TTC4: variants seen among roughly 807,000 people sequenced by gnomAD.
TTC4 encodes the protein tetratricopeptide repeat domain 4.
TTC4 carries 36 observed loss-of-function variants against 51.9 expected under a neutral mutation model. The ratio of observed to expected loss-of-function variants is 0.69; its 90% CI spans 0.53 to 0.92. TTC4 has a LOEUF of 0.92. TTC4 is among the 40% of genes least tolerant of loss of function. The pLI, the probability that TTC4 is intolerant of heterozygous loss-of-function variation, is 0.00. For missense variants in TTC4, 399 were observed against 454.6 expected (o/e 0.88, Z 1.11); for synonymous variants, 144 against 164.2 (o/e 0.88, Z 0.94).
At chr1:54,725,064 G>A (rs994718806) in intron 5 of TTC4, among the ~76,000 whole-genome samples, 10 of 152,278 alleles carry the variant, frequency 6.6e-5, no homozygotes, top group Non-Finnish European at 1.2e-4. Flanking sequence ...TGAGCAGCCT[G>A]CAGCCACCAG....
chr1:54,724,930 A>C (rs896473585), intron 5 of TTC4, among the ~76,000 whole-genome samples: 1 of 152,210 alleles, frequency 6.6e-6, no homozygotes, highest in African/African-American at 2.4e-5. Flanking sequence ...TTATTCAAGA[A>C]AAATGTTGGA....
intron 2 of TTC4, among the ~76,000 whole-genome samples, chr1:54,716,971 C>T (rs1363471125): frequency 6.6e-6 from 1 of 152,176 alleles, no homozygotes; most frequent in African/African-American, 2.4e-5. Context: ...CAAACTTATG[C>T]TATAAGTGTC....
At chr1:54,721,070 G>A (rs1570035806) in intron 3 of TTC4, 93 bp from the exon 4 acceptor site, 3 of 1,189,596 alleles carry the variant, frequency 2.5e-6, no homozygotes, top group East Asian at 5.0e-5. Flanking sequence ...ATTTCCCCAG[G>A]ATTGTACAAG....
At chr1:54,740,529 C>A (rs970646728) in intron 9 of TTC4, among the ~76,000 whole-genome samples, 1 of 152,146 alleles carries the variant, frequency 6.6e-6, no homozygotes, top group East Asian at 1.9e-4. Flanking sequence ...GAGGAGAAAT[C>A]TAAATAGAAA....
intron 6 of TTC4, 33 bp from the exon 7 acceptor site, chr1:54,731,453 C>T (rs959352125): frequency 6.2e-7 from 1 of 1,600,468 alleles, no homozygotes; most frequent in Non-Finnish European, 8.6e-7. Context: ...ATAAGATGTG[C>T]ATTATGTGTG....
chr1:54,737,846 G>A (rs1444750643), intron 9 of TTC4, among the ~76,000 whole-genome samples, 182 bp downstream of exon 9: 1 of 152,228 alleles, frequency 6.6e-6, no homozygotes, highest in Non-Finnish European at 1.5e-5. Flanking sequence ...GCAAGGAGGA[G>A]CAAGTCACCT....
Position 54,741,668 on chromosome 1 carries a change from C to T in TTC4, c.*155C>T. 1.6e-6 allele frequency: 1 copy of T among 641,748 alleles called. No homozygotes were observed. Among genetic ancestry groups the T allele is most frequent in the Non-Finnish European group, 2.7e-6 (1 of 368,376 alleles). 39.8% of individuals were successfully genotyped at this position (641,748 alleles called of 1,614,324 possible). A position where few individuals can be genotyped will look rare whatever the true frequency, so the allele number is the denominator to read the frequency against. ...ATCGTGGTGGGGGAGGAGCCTCTGG[C>T]TTCCCTAAACTGCAGCCTCTCTGGC... On this transcript the variant is annotated 3_prime_UTR_variant, in exon 10 of 10. Coordinates refer to ENST00000371281, the MANE Select transcript of TTC4 (RefSeq NM_004623.5).
intron 8 of TTC4, chr1:54,737,220 T>C: frequency 5.6e-6 from 1 of 177,238 alleles, no homozygotes; most frequent in Admixed American, 6.1e-5. Context: ...TTTCCTTCTC[T>C]GAGCCACCAT....
At position 54,737,638 on chromosome 1, in the gene TTC4, C is replaced by T. The variant is rs1270601597; in HGVS notation, c.1035C>T (p.Thr345=). 1.2e-6 allele frequency: 2 copies of T among 1,613,000 alleles called. No homozygotes were observed. The highest frequency in any genetic ancestry group is 1.3e-5 in the African/African-American group (1 of 74,904). ...AELYRVPAKS[T]LLQVLQHQRY... ...TATACCGGGTGCCTGCCAAGAGCAC[C>T]TTGCTACAGGTTCTACAGCACCAGA... Residue 345 remains threonine (T), a synonymous_variant, in exon 9 of 10, where the codon ACC becomes ACT. Transcript: ENST00000371281.
chr1:54,722,628 T>C (rs1645755608), intron 4 of TTC4, 47 bp from the exon 5 acceptor site: 1 of 1,604,090 alleles, frequency 6.2e-7, no homozygotes, highest in Non-Finnish European at 8.5e-7. Context: ...AAGCAGGTTC[T>C]TTCCATGCAT....
intron 4 of TTC4, among the ~76,000 whole-genome samples, chr1:54,721,828 G>A (rs185820583): frequency 3.9e-5 from 6 of 152,326 alleles, no homozygotes; most frequent in Admixed American, 3.9e-4. Context: ...AGGGCAGTAG[G>A]AAGATCCATG....
chr1:54,730,281 T>C (rs1194188845), intron 6 of TTC4, among the ~76,000 whole-genome samples: 1 of 102,414 alleles, frequency 9.8e-6, no homozygotes, highest in African/African-American at 6.2e-5. Context: ...GCATAAATCC[T>C]TTTTTTTTTT....
At position 54,741,463 on chromosome 1, in the gene TTC4, CCTT is replaced by C; in HGVS notation, c.1115_1117del (p.Pro372_Phe373delinsLeu). On this transcript the variant is annotated inframe_deletion, in exon 10 of 10. Coordinates refer to ENST00000371281, the MANE Select transcript of TTC4 (RefSeq NM_004623.5). ...ATTTTTGGTCTGTGTAGGATCCTCT[CCTT>C]TTTGCAAGAATTTTCTCCGGGGGAG... is the stretch of plus-strand genomic sequence containing the variant. 1 of 1,614,192 alleles carries C rather than the reference CCTT, an allele frequency of 6.2e-7. No homozygotes were observed. Among genetic ancestry groups the C allele is most frequent in the Non-Finnish European group, 8.5e-7 (1 of 1,180,038 alleles).
At position 54,741,763 on chromosome 1, in the gene TTC4, A is replaced by G. The variant is rs1646014672; in HGVS notation, c.*250A>G. 2.6e-5 allele frequency: 14 copies of G among 530,062 alleles called. No homozygotes were observed. In the South Asian group the frequency reaches 3.1e-4, roughly 12 times the overall value. The allele number at this position is 530,062 out of a possible 1,614,324, so 32.8% of individuals were successfully genotyped here. On this transcript the variant is annotated 3_prime_UTR_variant, in exon 10 of 10. Transcript: ENST00000371281. ...CATGATGTCCTTGGACTCCATCGCT[A>G]AAGGGACCATCTGCTGCAGTTACCA...
intron 6 of TTC4, 115 bp downstream of exon 6, chr1:54,728,547 T>A: frequency 9.0e-7 from 1 of 1,111,660 alleles, no homozygotes; most frequent in Non-Finnish European, 1.3e-6. Flanking sequence ...ATTTTCTTTC[T>A]ACTTTGGTAA....
At chr1:54,726,850 G>C (rs537478399) in intron 5 of TTC4, among the ~76,000 whole-genome samples, 33 of 150,540 alleles carry the variant, frequency 2.2e-4, no homozygotes, top group African/African-American at 8.0e-4. Context: ...ATGGCTCGCT[G>C]CAACCTCAAA....
chr1:54,736,175 G>GGAGAGAGAGAGAGAGAGAGAGAGA (rs11292044), intron 8 of TTC4, among the ~76,000 whole-genome samples: 1 of 100,664 alleles, frequency 9.9e-6, no homozygotes, highest in Non-Finnish European at 1.9e-5. Context: ...AAGAAAGAAA[G>GGAGAGAGAGAGAGAGAGAGAGAGA]GAGAGAGAGA....
Position 54,718,687 on chromosome 1 carries a change from A to G in TTC4, c.391+1034A>G, listed in dbSNP as rs1645705508. Among the ~76,000 whole-genome samples the G allele has an allele frequency of 2.0e-5, 3 of 152,254 alleles. No individual in the cohort carries two copies. The South Asian group carries it at 6.2e-4, about 32-fold the overall frequency. On this transcript the variant is annotated intron_variant, in intron 3 of 9. Coordinates refer to ENST00000371281, the MANE Select transcript of TTC4 (RefSeq NM_004623.5). ...GTAAGCCTCCTCTTCAGGTAACACC[A>G]ACATCATGCAGGTTCTGTAGTCGTA...
chr1:54,736,214 GA>G (rs1232287362), intron 8 of TTC4, among the ~76,000 whole-genome samples: 2 of 129,084 alleles, frequency 1.5e-5, no homozygotes, highest in Non-Finnish European at 3.2e-5. Flanking sequence ...GAGAGAGAGA[GA>G]GAGAGAGAAG....
Sources: allele counts gnomAD v4.1 joint callset (sites outside exome capture counted in the v4.1 genomes callset), GRCh38; gene constraint gnomAD v4.1.1; transcripts MANE v1.5; gene names NCBI Gene and HGNC (gene_info 2026-07-23, HGNC 2026-07-21).